REEP1: variants seen among roughly 807,000 people sequenced by gnomAD.
The protein encoded by REEP1 is receptor expression-enhancing protein 1.
Under a neutral mutation model 40.3 loss-of-function variants are expected in REEP1, and 22 were observed. The ratio of observed to expected loss-of-function variants is 0.55; its 90% CI spans 0.39 to 0.78. The LOEUF (loss-of-function observed/expected upper bound fraction) is 0.78, where lower values mean the gene tolerates loss of function less well. Among genes scored for constraint, REEP1 ranks in the 30% least tolerant of loss-of-function variants. REEP1 has a pLI of 0.00. For missense variants in REEP1, 280 were observed against 361.1 expected, an observed-to-expected ratio of 0.78 and a Z score of 1.82; for synonymous variants, 116 against 139.2, an observed-to-expected ratio of 0.83 and a Z score of 1.17.
intron 2 of REEP1, among the ~76,000 whole-genome samples, chr2:86,275,005 C>A (rs1677675231): frequency 6.6e-6 from 1 of 152,208 alleles, no homozygotes; most frequent in African/African-American, 2.4e-5. Context: ...GAGGAGCAGG[C>A]TTAGCTACTT....
intron 2 of REEP1, among the ~76,000 whole-genome samples, chr2:86,266,659 T>A (rs187378768): frequency 1.8e-3 from 270 of 149,184 alleles, no homozygotes; most frequent in African/African-American, 6.2e-3. Context: ...ATAAAAAAAA[T>A]AAAATAAATA....
At position 86,256,162 on chromosome 2, in the gene REEP1, T is replaced by C. The variant is rs367820695; in HGVS notation, c.183-1348A>G. Among the ~76,000 whole-genome samples the C allele has an allele frequency of 8.8e-3, 1,334 of 151,634 alleles. 24 individuals carry two copies. Among genetic ancestry groups the C allele is most frequent in the African/African-American group, 0.031 (1,288 of 41,314 alleles). On this transcript the variant is annotated intron_variant, in intron 3 of 8. Transcript: ENST00000538924. ...AGGGGTTCGAGACCAGCCTGACCAA[T>C]ATGGTGAAACTCCGTCTCTACTAAA...
chr2:86,316,364 C>A (rs1295795165), intron 1 of REEP1, among the ~76,000 whole-genome samples: 2 of 150,870 alleles, frequency 1.3e-5, no homozygotes, highest in Non-Finnish European at 2.9e-5. Flanking sequence ...CATGATGAAA[C>A]CTCATCTCTA....
At chr2:86,295,617 G>A (rs1303326695) in intron 1 of REEP1, among the ~76,000 whole-genome samples, 1 of 152,208 alleles carries the variant, frequency 6.6e-6, no homozygotes, top group African/African-American at 2.4e-5. Flanking sequence ...CTCCGCCTCT[G>A]CAAGCTCCGC....
At chr2:86,320,755 G>A (rs1403486229) in intron 1 of REEP1, among the ~76,000 whole-genome samples, 2 of 152,196 alleles carry the variant, frequency 1.3e-5, no homozygotes, top group African/African-American at 4.8e-5. Flanking sequence ...AGACATGGCT[G>A]AGGAGACAGA....
intron 1 of REEP1, among the ~76,000 whole-genome samples, chr2:86,336,082 A>C (rs957997907): frequency 6.6e-6 from 1 of 152,174 alleles, no homozygotes; most frequent in Non-Finnish European, 1.5e-5. Context: ...CCAGAGAGGA[A>C]ACACCACCCT....
chr2:86,305,712 C>T (rs1011547662), intron 1 of REEP1, among the ~76,000 whole-genome samples: 2 of 152,204 alleles, frequency 1.3e-5, no homozygotes, highest in Non-Finnish European at 2.9e-5. Flanking sequence ...CTCTTCCTTC[C>T]CTCCCTTGGC....
chr2:86,334,540 T>C (rs1171092728), intron 1 of REEP1, among the ~76,000 whole-genome samples: 1 of 152,196 alleles, frequency 6.6e-6, no homozygotes, highest in Non-Finnish European at 1.5e-5. Flanking sequence ...GCTCATCTTG[T>C]GTCCCTGAGC....
At chr2:86,244,189 A>G (rs1266507698) in intron 5 of REEP1, among the ~76,000 whole-genome samples, 2 of 152,224 alleles carry the variant, frequency 1.3e-5, no homozygotes, top group African/African-American at 4.8e-5. Flanking sequence ...GGGCTTATGA[A>G]CTTCCTCAAA....
chr2:86,298,829 T>C (rs1235099418), intron 1 of REEP1, among the ~76,000 whole-genome samples: 7 of 152,222 alleles, frequency 4.6e-5, no homozygotes, highest in African/African-American at 1.7e-4. Context: ...CTTTTTGCTG[T>C]ATCCCTTTGT....
At chr2:86,231,653 C>T (rs1206760810) in intron 6 of REEP1, among the ~76,000 whole-genome samples, 1 of 152,132 alleles carries the variant, frequency 6.6e-6, no homozygotes, top group East Asian at 1.9e-4. Context: ...ACATAGATTC[C>T]CACCCTTCTC....
At chr2:86,245,825 T>C (rs968413160) in intron 5 of REEP1, among the ~76,000 whole-genome samples, 14 of 150,506 alleles carry the variant, frequency 9.3e-5, no homozygotes, top group East Asian at 5.9e-4. Flanking sequence ...AGTGCAGTGG[T>C]GCTATCTTGG....
chr2:86,285,724 G>A (rs1253724772), intron 1 of REEP1, among the ~76,000 whole-genome samples: 1 of 152,144 alleles, frequency 6.6e-6, no homozygotes, highest in Non-Finnish European at 1.5e-5. Context: ...AGGGTCCCTC[G>A]TGCCTGGCAC....
chr2:86,284,122 T>C (rs1295118349), intron 1 of REEP1, among the ~76,000 whole-genome samples: 1 of 151,916 alleles, frequency 6.6e-6, no homozygotes, highest in East Asian at 1.9e-4. Context: ...ATCGCCCCCT[T>C]GGTGAGGAAG....
At chr2:86,269,068 C>T (rs1040872143) in intron 2 of REEP1, among the ~76,000 whole-genome samples, 10 of 152,254 alleles carry the variant, frequency 6.6e-5, no homozygotes, top group African/African-American at 2.2e-4. Context: ...CTAAAGACCT[C>T]GGGCTTTGGC....
intron 6 of REEP1, 25 bp from the exon 7 acceptor site, chr2:86,227,423 A>G: frequency 8.1e-7 from 1 of 1,232,402 alleles, no homozygotes; most frequent in African/African-American, 1.5e-5. Context: ...TAGGGGCACC[A>G]TCAGTGACAT....
intron 1 of REEP1, among the ~76,000 whole-genome samples, chr2:86,302,245 C>T (rs1402225485): frequency 1.3e-5 from 2 of 152,240 alleles, no homozygotes; most frequent in Non-Finnish European, 2.9e-5. Flanking sequence ...GAGGGCCAAC[C>T]TCCCAGCCTC....
intron 2 of REEP1, among the ~76,000 whole-genome samples, chr2:86,278,110 T>C (rs1243583595): frequency 6.6e-6 from 1 of 152,228 alleles, no homozygotes; most frequent in Non-Finnish European, 1.5e-5. Context: ...TGTGTTCATT[T>C]TATATTCATA....
At chr2:86,252,202 G>A (rs1663045017) in intron 4 of REEP1, 132 bp from the exon 5 acceptor site, 1 of 733,090 alleles carries the variant, frequency 1.4e-6, no homozygotes, top group Non-Finnish European at 2.5e-6. Context: ...AAAGCTGTAG[G>A]CACTTTGAAG....
Sources: allele counts gnomAD v4.1 joint callset (sites outside exome capture counted in the v4.1 genomes callset), GRCh38; gene constraint gnomAD v4.1.1; transcripts MANE v1.5; gene names NCBI Gene and HGNC (gene_info 2026-07-23, HGNC 2026-07-21).